The following ADCY9 variants were observed in gnomAD, a reference collection of about 807,000 sequenced individuals.
The protein encoded by ADCY9 is adenylate cyclase type 9.
Under a neutral mutation model 101.5 loss-of-function variants are expected in ADCY9, and 50 were observed. The observed-to-expected ratio is 0.49, with a 90% CI of 0.39 to 0.62. The LOEUF is 0.62. ADCY9 is among the 20% of genes least tolerant of loss of function. The probability of loss-of-function intolerance (pLI) is 0.00; values close to 1 mark genes in which losing one functional copy is unlikely to be tolerated. For synonymous variants in ADCY9, 905 were observed against 769.3 expected, an observed-to-expected ratio of 1.18 and a Z score of -2.92; for missense variants, 1,662 against 1,800.4, an observed-to-expected ratio of 0.92 and a Z score of 1.39.
chr16:4,070,203 A>G (rs1156474927), intron 2 of ADCY9, among the ~76,000 whole-genome samples: 1 of 152,094 alleles, frequency 6.6e-6, no homozygotes, highest in East Asian at 1.9e-4. Context: ...ATACATTTCC[A>G]TATCACTCAC....
intron 2 of ADCY9, among the ~76,000 whole-genome samples, chr16:4,092,085 A>T (rs1026892348): frequency 6.6e-6 from 1 of 152,244 alleles, no homozygotes; most frequent in Non-Finnish European, 1.5e-5. Flanking sequence ...CCTGGCCAAC[A>T]TGGTGAAACC....
At position 4,004,585 on chromosome 16, in the gene ADCY9, A is replaced by G. The variant is rs1194461689; in HGVS notation, c.1884+2783T>C. Among the ~76,000 whole-genome samples, 9 of 152,380 alleles carry G rather than the reference A, an allele frequency of 5.9e-5. No individual in the cohort carries two copies. The East Asian group carries it at 1.7e-3, about 29-fold the overall frequency. ...GCTCCATGTGTTTAATTAAAGAATT[A>G]AAAAGCCAAAAAGAAACTGTTAATT... On this transcript the variant is annotated intron_variant, in intron 3 of 10. Coordinates refer to ENST00000294016, the MANE Select transcript of ADCY9 (RefSeq NM_001116.4).
At chr16:4,044,363 C>CA (rs909778925) in intron 2 of ADCY9, among the ~76,000 whole-genome samples, 47 of 149,528 alleles carry the variant, frequency 3.1e-4, no homozygotes, top group African/African-American at 1.1e-3. Context: ...AACAAAAAAA[C>CA]AAAAAAACAA....
intron 2 of ADCY9, among the ~76,000 whole-genome samples, chr16:4,106,785 T>C (rs1195867208): frequency 1.3e-5 from 2 of 152,230 alleles, no homozygotes; most frequent in Non-Finnish European, 2.9e-5. Context: ...TTGGTTTTTT[T>C]CCAAGATTAC....
At chr16:4,014,768 A>T (rs1024972536) in intron 2 of ADCY9, among the ~76,000 whole-genome samples, 1 of 76,172 alleles carries the variant, frequency 1.3e-5, no homozygotes, top group Non-Finnish European at 2.8e-5. Context: ...ATTTTAGAGC[A>T]TGTGCACGCA....
chr16:4,052,596 C>T (rs138124536), intron 2 of ADCY9, among the ~76,000 whole-genome samples: 7 of 152,212 alleles, frequency 4.6e-5, no homozygotes, highest in East Asian at 3.9e-4. Context: ...TAGAATATAA[C>T]GCCACCAAAA....
At chr16:4,000,983 A>ACG (rs892134958) in intron 3 of ADCY9, among the ~76,000 whole-genome samples, 1 of 146,566 alleles carries the variant, frequency 6.8e-6, no homozygotes, top group African/African-American at 2.5e-5. Flanking sequence ...ACACACACAC[A>ACG]CACACACACA....
At chr16:3,980,742 T>C (rs1382564603) in intron 7 of ADCY9, among the ~76,000 whole-genome samples, 1 of 152,218 alleles carries the variant, frequency 6.6e-6, no homozygotes, top group African/African-American at 2.4e-5. Context: ...GACTTTGGAA[T>C]ACTTCCAAGA....
intron 2 of ADCY9, among the ~76,000 whole-genome samples, chr16:4,105,585 C>G (rs2057071316): frequency 6.7e-6 from 1 of 149,460 alleles, no homozygotes; most frequent in East Asian, 2.0e-4. Flanking sequence ...GAGACTGAGA[C>G]ACGAGAATTC....
At chr16:4,065,089 C>T (rs984404326) in intron 2 of ADCY9, among the ~76,000 whole-genome samples, 2 of 152,188 alleles carry the variant, frequency 1.3e-5, no homozygotes, top group South Asian at 2.1e-4. Context: ...TACATGACTG[C>T]GTGTGTCAAT....
At chr16:4,010,331 G>A (rs1374504938) in intron 2 of ADCY9, among the ~76,000 whole-genome samples, 1 of 152,214 alleles carries the variant, frequency 6.6e-6, no homozygotes, top group African/African-American at 2.4e-5. Flanking sequence ...GGCTGAGCAG[G>A]GAGGCCTGAA....
At chr16:4,076,129 G>A (rs184612977) in intron 2 of ADCY9, among the ~76,000 whole-genome samples, 29 of 152,288 alleles carry the variant, frequency 1.9e-4, no homozygotes, top group Middle Eastern at 3.4e-3. Context: ...ACGAGTTCGA[G>A]GCTGCAGTGC....
chr16:4,108,360 A>ATTTTTTTTTTTTTT (rs869169536), intron 2 of ADCY9, among the ~76,000 whole-genome samples: 3 of 53,742 alleles, frequency 5.6e-5, no homozygotes, highest in Admixed American at 3.5e-4. Context: ...CCGTTTCTTC[A>ATTTTTTTTTTTTTT]TTTTTTTTTT....
chr16:4,056,815 T>C (rs777549208), intron 2 of ADCY9, among the ~76,000 whole-genome samples: 19 of 152,328 alleles, frequency 1.2e-4, no homozygotes, highest in Non-Finnish European at 2.4e-4. Context: ...GAGGTTTACC[T>C]GTGTTTTTAT....
intron 2 of ADCY9, among the ~76,000 whole-genome samples, chr16:4,043,447 G>A (rs979546750): frequency 3.3e-5 from 5 of 152,064 alleles, no homozygotes; most frequent in African/African-American, 7.2e-5. Flanking sequence ...GCCGAGGCAG[G>A]AGGATCACTT....
intron 2 of ADCY9, among the ~76,000 whole-genome samples, chr16:4,108,231 G>A (rs534286448): frequency 3.3e-5 from 5 of 152,126 alleles, no homozygotes; most frequent in South Asian, 4.2e-4. Flanking sequence ...CCAACAGCTC[G>A]AGATAACACG....
intron 2 of ADCY9, among the ~76,000 whole-genome samples, chr16:4,081,250 C>T (rs1483624790): frequency 6.6e-6 from 1 of 152,156 alleles, no homozygotes; most frequent in Non-Finnish European, 1.5e-5. Context: ...CCTGGGAATT[C>T]TAGTCACTTA....
chr16:4,026,703 T>C (rs1250495035), intron 2 of ADCY9, among the ~76,000 whole-genome samples: 1 of 152,124 alleles, frequency 6.6e-6, no homozygotes, highest in Non-Finnish European at 1.5e-5. Flanking sequence ...CCAGGACGAA[T>C]CTCAATAGCT....
At chr16:4,040,067 G>C (rs1161772207) in intron 2 of ADCY9, among the ~76,000 whole-genome samples, 2 of 152,064 alleles carry the variant, frequency 1.3e-5, no homozygotes, top group Non-Finnish European at 2.9e-5. Context: ...AACAAGAGAA[G>C]AGAAGAGAAG....
Sources: allele counts gnomAD v4.1 joint callset (sites outside exome capture counted in the v4.1 genomes callset), GRCh38; gene constraint gnomAD v4.1.1; transcripts MANE v1.5; gene names NCBI Gene and HGNC (gene_info 2026-07-23, HGNC 2026-07-21).